MIPOL1: variants seen among roughly 807,000 people sequenced by gnomAD.
MIPOL1 encodes the protein mirror-image polydactyly gene 1 protein.
Under a neutral mutation model 60.9 loss-of-function variants are expected in MIPOL1, and 57 were observed. The observed-to-expected ratio is 0.94, with a 90% confidence interval of 0.76 to 1.17. The LOEUF is 1.17. Among genes scored for constraint, MIPOL1 ranks in the 50% most tolerant of loss-of-function variants. The probability of loss-of-function intolerance (pLI) is 0.00; values close to 1 mark genes in which losing one functional copy is unlikely to be tolerated. For synonymous variants in MIPOL1, 179 were observed against 168.8 expected (o/e 1.06, Z -0.47); for missense variants, 551 against 511.6 (o/e 1.08, Z -0.74).
intron 1 of MIPOL1, among the ~76,000 whole-genome samples, chr14:37,228,457 A>C (rs1368858139): frequency 2.6e-5 from 4 of 151,304 alleles, no homozygotes; most frequent in Non-Finnish European, 5.9e-5. Context: ...TTTAGGACAA[A>C]AACTCCAACC....
chr14:37,269,758 G>A (rs1384380627), intron 5 of MIPOL1, among the ~76,000 whole-genome samples: 4 of 152,000 alleles, frequency 2.6e-5, no homozygotes, highest in Admixed American at 2.0e-4. Flanking sequence ...TATTTTATTA[G>A]GCAAATCCCT....
Position 37,546,914 on chromosome 14 carries a change from G to A in MIPOL1, c.1272G>A (p.Arg424=). The change falls in exon 13 of 13, where the codon AGG becomes AGA. Residue 424 remains arginine (R), a synonymous_variant. Transcript: ENST00000684589. ...VANEKVQKLE[R]LVDVLRKKVG... ...CCCAACCCCAACTTAGGTTGGAAAGGCTGGTGGATGTACTGAGGAAGAAGG... is the reference window on the plus strand; with the variant it reads ...CCCAACCCCAACTTAGGTTGGAAAGACTGGTGGATGTACTGAGGAAGAAGG... The A allele has an allele frequency of 1.2e-6, 2 of 1,613,604 alleles. No homozygotes were observed. The highest frequency in any genetic ancestry group is 1.7e-6 in the Non-Finnish European group (2 of 1,179,790).
chr14:37,455,192 T>C (rs749563413), intron 11 of MIPOL1, among the ~76,000 whole-genome samples: 6 of 152,212 alleles, frequency 3.9e-5, no homozygotes, highest in Non-Finnish European at 5.9e-5. Context: ...TTCTTCTGAA[T>C]TACTATGAGT....
intron 3 of MIPOL1, among the ~76,000 whole-genome samples, chr14:37,264,810 G>T (rs1253906008): frequency 6.6e-6 from 1 of 152,098 alleles, no homozygotes; most frequent in Non-Finnish European, 1.5e-5. Flanking sequence ...GTCAGTTTTT[G>T]TCGGCTTTCT....
intron 10 of MIPOL1, among the ~76,000 whole-genome samples, chr14:37,372,275 G>A (rs1208178039): frequency 6.6e-6 from 1 of 151,888 alleles, no homozygotes; most frequent in East Asian, 1.9e-4. Context: ...AAATAATTAT[G>A]GCAAAATCAG....
intron 1 of MIPOL1, among the ~76,000 whole-genome samples, chr14:37,235,937 T>TG (rs1232094786): frequency 6.6e-6 from 1 of 152,104 alleles, no homozygotes; most frequent in African/African-American, 2.4e-5. Context: ...CAATTTTTTT[T>TG]TTTTTTTGAG....
intron 11 of MIPOL1, among the ~76,000 whole-genome samples, chr14:37,448,211 T>C (rs1036079806): frequency 4.6e-5 from 7 of 152,204 alleles, no homozygotes; most frequent in African/African-American, 1.7e-4. Context: ...TTATAACCCT[T>C]CAATACCTGC....
At chr14:37,268,930 C>A in intron 5 of MIPOL1, 137 bp downstream of exon 5, 2 of 672,488 alleles carry the variant, frequency 3.0e-6, no homozygotes, top group South Asian at 2.6e-5. Context: ...TTTGCCATAC[C>A]TTGCCATCAG....
chr14:37,239,799 A>C (rs1260284381), intron 1 of MIPOL1, among the ~76,000 whole-genome samples: 1 of 152,196 alleles, frequency 6.6e-6, no homozygotes, highest in African/African-American at 2.4e-5. Flanking sequence ...AAATTAATGG[A>C]GGAGGCTGTG....
At chr14:37,370,733 T>G (rs1041016994) in intron 10 of MIPOL1, among the ~76,000 whole-genome samples, 5 of 152,172 alleles carry the variant, frequency 3.3e-5, no homozygotes, top group Middle Eastern at 3.2e-3. Flanking sequence ...TCTAATGCAC[T>G]TTTCTTCTTT....
intron 12 of MIPOL1, chr14:37,507,923 T>G (rs539296538): frequency 1.3e-5 from 2 of 152,296 alleles, no homozygotes; most frequent in African/African-American, 4.8e-5. Flanking sequence ...AAATCCCTTT[T>G]TCTTCTGATT....
At chr14:37,224,349 C>A (rs1259717455) in intron 1 of MIPOL1, among the ~76,000 whole-genome samples, 1 of 152,040 alleles carries the variant, frequency 6.6e-6, no homozygotes, top group Non-Finnish European at 1.5e-5. Context: ...GTGTATTAGT[C>A]CACTTTCATG....
At chr14:37,337,422 G>A (rs1428286813) in intron 9 of MIPOL1, among the ~76,000 whole-genome samples, 1 of 121,034 alleles carries the variant, frequency 8.3e-6, no homozygotes, top group Non-Finnish European at 1.6e-5. Flanking sequence ...GGGCTGGTGT[G>A]CAGTGGTGCA....
intron 9 of MIPOL1, among the ~76,000 whole-genome samples, chr14:37,348,567 C>A (rs775095095): frequency 2.0e-5 from 3 of 151,822 alleles, no homozygotes; most frequent in Non-Finnish European, 4.4e-5. Flanking sequence ...AAAATAATGT[C>A]CCTAATGTGA....
intron 1 of MIPOL1, among the ~76,000 whole-genome samples, chr14:37,226,725 G>A (rs1446590206): frequency 6.6e-6 from 1 of 152,126 alleles, no homozygotes; most frequent in Non-Finnish European, 1.5e-5. Flanking sequence ...GATTGCTTGA[G>A]CCTGGGAGTT....
At chr14:37,450,960 C>T (rs1006655680) in intron 11 of MIPOL1, among the ~76,000 whole-genome samples, 3 of 151,750 alleles carry the variant, frequency 2.0e-5, no homozygotes, top group African/African-American at 7.3e-5. Context: ...AGCCTTGTAC[C>T]CTGATAACGT....
intron 11 of MIPOL1, among the ~76,000 whole-genome samples, chr14:37,446,298 A>T (rs2094333726): frequency 6.6e-6 from 1 of 152,240 alleles, no homozygotes; most frequent in African/African-American, 2.4e-5. Flanking sequence ...GAAGACATTT[A>T]TGCAGCCAAA....
rs542975780 is a variant in MIPOL1 at position 37,547,078 on chromosome 14, A to G, written c.*107A>G. Reference sequence around the variant, plus strand: ...CTTAACTTAGCAAACAGTTGTTAGAAGTGGGACACTCCAACCACATTCCAA... The same window carrying G: ...CTTAACTTAGCAAACAGTTGTTAGAGGTGGGACACTCCAACCACATTCCAA... On this transcript the variant is annotated 3_prime_UTR_variant, in exon 13 of 13. Transcript: ENST00000684589. 36 of 886,406 alleles carry G rather than the reference A, an allele frequency of 4.1e-5. No homozygotes were observed. Among genetic ancestry groups the G allele is most frequent in the Non-Finnish European group, 5.6e-5 (31 of 553,020 alleles). The allele number at this position is 886,406 out of a possible 1,614,324, so 54.9% of individuals were successfully genotyped here. A position where few individuals can be genotyped will look rare whatever the true frequency, so the allele number is the denominator to read the frequency against.
intron 3 of MIPOL1, 34 bp downstream of exon 3, chr14:37,247,941 A>G (rs750188137): frequency 1.2e-6 from 2 of 1,609,110 alleles, no homozygotes; most frequent in Non-Finnish European, 1.7e-6. Context: ...ACCAAGCCCC[A>G]GGTGTTGTTC....
Sources: allele counts gnomAD v4.1 joint callset (sites outside exome capture counted in the v4.1 genomes callset), GRCh38; gene constraint gnomAD v4.1.1; transcripts MANE v1.5; gene names NCBI Gene and HGNC (gene_info 2026-07-23, HGNC 2026-07-21).